Variants in CSMD1 observed in about 807,000 individuals in gnomAD.
CSMD1 encodes CUB and Sushi multiple domains 1, also known as CUB and sushi domain-containing protein 1.
Under a neutral mutation model 417.5 loss-of-function variants are expected in CSMD1, and 213 were observed. The observed-to-expected ratio is 0.51, with a 90% CI of 0.46 to 0.57. The LOEUF is 0.57. Among genes scored for constraint, CSMD1 ranks in the 20% least tolerant of loss-of-function variants. The pLI is 0.00. For missense variants in CSMD1, 6,923 were observed against 4,529.7 expected, an observed-to-expected ratio of 1.53 and a Z score of -15.17; for synonymous variants, 2,862 against 1,736.8, an observed-to-expected ratio of 1.65 and a Z score of -16.11.
At chr8:4,483,149 C>T (rs1037353687) in intron 2 of CSMD1, among the ~76,000 whole-genome samples, 9 of 152,024 alleles carry the variant, frequency 5.9e-5, no homozygotes, top group Non-Finnish European at 1.2e-4. Context: ...TCATGAGATC[C>T]GATGGTTTGA....
intron 2 of CSMD1, among the ~76,000 whole-genome samples, chr8:4,455,329 C>T (rs1196887195): frequency 1.3e-5 from 2 of 152,064 alleles, no homozygotes. Context: ...ATCACAAATC[C>T]ATGTAACAAG....
chr8:4,626,619 C>T (rs1337670439), intron 2 of CSMD1, among the ~76,000 whole-genome samples: 20 of 152,004 alleles, frequency 1.3e-4, no homozygotes. Context: ...CCGCAGGGGG[C>T]AGGGTGTGGG....
At chr8:4,818,218 A>C (rs1799315934) in intron 1 of CSMD1, among the ~76,000 whole-genome samples, 1 of 152,202 alleles carries the variant, frequency 6.6e-6, no homozygotes, top group Non-Finnish European at 1.5e-5. Flanking sequence ...CAAATGTTTT[A>C]AAATGTATAG....
intron 30 of CSMD1, among the ~76,000 whole-genome samples, chr8:3,209,638 T>A (rs549683197): frequency 6.6e-6 from 1 of 152,336 alleles, no homozygotes; most frequent in South Asian, 2.1e-4. Context: ...TTAATAATTG[T>A]TATGTCTGCA....
chr8:3,418,246 T>C (rs1813279428), intron 12 of CSMD1, among the ~76,000 whole-genome samples: 2 of 152,182 alleles, frequency 1.3e-5, no homozygotes, highest in Admixed American at 1.3e-4. Flanking sequence ...TGCTGGACTC[T>C]GGAAATTCGG....
chr8:4,494,015 A>T (rs1801855841), intron 2 of CSMD1, among the ~76,000 whole-genome samples: 1 of 152,202 alleles, frequency 6.6e-6, no homozygotes, highest in South Asian at 2.1e-4. Flanking sequence ...ATAGGAGAAG[A>T]CCTCAGAGGC....
intron 3 of CSMD1, among the ~76,000 whole-genome samples, chr8:4,399,442 T>TA (rs1450205724): frequency 6.6e-6 from 1 of 152,234 alleles, no homozygotes; most frequent in Non-Finnish European, 1.5e-5. Flanking sequence ...TGATGAGCCT[T>TA]TCAAAGAATG....
chr8:4,067,437 A>C (rs186974286), intron 3 of CSMD1, among the ~76,000 whole-genome samples: 180 of 152,254 alleles, frequency 1.2e-3, no homozygotes, highest in Non-Finnish European at 1.7e-3. Context: ...AGAATTTATT[A>C]TTGTTATACA....
chr8:4,357,786 G>T (rs1047043027), intron 3 of CSMD1, among the ~76,000 whole-genome samples: 4 of 152,048 alleles, frequency 2.6e-5, no homozygotes, highest in Admixed American at 6.6e-5. Context: ...TAAGGAGGAT[G>T]GGGAGACAGA....
intron 1 of CSMD1, among the ~76,000 whole-genome samples, chr8:4,947,341 T>C (rs1233481632): frequency 6.6e-6 from 1 of 152,134 alleles, no homozygotes; most frequent in African/African-American, 2.4e-5. Context: ...CCAGTTAAAA[T>C]GCATAACTAA....
At chr8:4,517,392 C>T (rs1474646450) in intron 2 of CSMD1, among the ~76,000 whole-genome samples, 1 of 152,162 alleles carries the variant, frequency 6.6e-6, no homozygotes, top group East Asian at 1.9e-4. Flanking sequence ...TCTCCCAGAC[C>T]ACTGGCTTCC....
intron 7 of CSMD1, among the ~76,000 whole-genome samples, chr8:3,675,786 C>T (rs909654757): frequency 3.9e-5 from 6 of 152,126 alleles, no homozygotes; most frequent in Non-Finnish European, 1.5e-5. Flanking sequence ...GTTTAAGCTG[C>T]CCAGTCTATG....
At chr8:3,752,595 A>C (rs147971131) in intron 6 of CSMD1, among the ~76,000 whole-genome samples, 5,237 of 143,166 alleles carry the variant, frequency 0.037, 206 homozygotes, top group African/African-American at 0.095. Flanking sequence ...TGGAGGTTGC[A>C]GTGAGGCAAG....
chr8:4,720,415 G>A (rs978368030), intron 1 of CSMD1, among the ~76,000 whole-genome samples: 1 of 151,904 alleles, frequency 6.6e-6, no homozygotes, highest in East Asian at 1.9e-4. Context: ...CTTCTCATTT[G>A]AATAATTTTT....
At chr8:4,692,407 G>C (rs1271974379) in intron 1 of CSMD1, among the ~76,000 whole-genome samples, 3 of 152,190 alleles carry the variant, frequency 2.0e-5, no homozygotes, top group Non-Finnish European at 2.9e-5. Flanking sequence ...TATCCCGGTT[G>C]CTTTTCGTGG....
In CSMD1 at chr8:2,965,808, C is replaced by T. The variant is rs764116597; in HGVS notation, c.9247G>A (p.Gly3083Ser). The change falls in exon 59 of 70, where the codon GGC (glycine) becomes AGC (serine). Residue 3083 changes from glycine (G) to serine (S), a missense_variant. Physicochemically the swap from Gly to Ser is moderately conservative, Grantham distance 56. Transcript: ENST00000635120. ...ACAGGTTTGCTCGGATTCCACCTGC[C>T]GTCTTTGGTACAGCGAATAGTGGCG... ...TSATIRCTKD[G>S]RWNPSKPVCK... 2.4e-5 allele frequency: 38 copies of T among 1,609,884 alleles called. 1 individual carries two copies. The highest frequency in any genetic ancestry group is 5.6e-5 in the South Asian group (5 of 89,854).
intron 12 of CSMD1, among the ~76,000 whole-genome samples, chr8:3,460,129 G>C (rs978610078): frequency 6.6e-6 from 1 of 152,144 alleles, no homozygotes; most frequent in Non-Finnish European, 1.5e-5. Flanking sequence ...AGGCAGCTCA[G>C]GGTGGTATAG....
At chr8:3,118,957 G>A (rs1817027426) in intron 41 of CSMD1, among the ~76,000 whole-genome samples, 1 of 152,180 alleles carries the variant, frequency 6.6e-6, no homozygotes, top group South Asian at 2.1e-4. Flanking sequence ...GAGGCGGGAG[G>A]ATCACGAGGT....
chr8:4,093,843 C>G (rs958852018), intron 3 of CSMD1, among the ~76,000 whole-genome samples: 12 of 152,000 alleles, frequency 7.9e-5, no homozygotes, highest in African/African-American at 2.7e-4. Flanking sequence ...TGCCTGTAAT[C>G]CCAGCAATCG....
Sources: allele counts gnomAD v4.1 joint callset (sites outside exome capture counted in the v4.1 genomes callset), GRCh38; gene constraint gnomAD v4.1.1; transcripts MANE v1.5; gene names NCBI Gene and HGNC (gene_info 2026-07-23, HGNC 2026-07-21).